The following CDC42SE2 variants were observed in gnomAD, a reference collection of about 807,000 sequenced individuals.
CDC42SE2 encodes CDC42 small effector 2, also known as CDC42 small effector protein 2.
Under a neutral mutation model 11.5 loss-of-function variants are expected in CDC42SE2, and 3 were observed. That is an observed-to-expected ratio of 0.26 (90% confidence interval 0.12 to 0.67). The LOEUF (loss-of-function observed/expected upper bound fraction) is 0.67. CDC42SE2 is among the 30% of genes least tolerant of loss of function. The probability of loss-of-function intolerance (pLI) is 0.80; values close to 1 mark genes in which losing one functional copy is unlikely to be tolerated. For synonymous variants in CDC42SE2, 33 were observed against 34.8 expected, an observed-to-expected ratio of 0.95 and a Z score of 0.18; for missense variants, 82 against 106.8, an observed-to-expected ratio of 0.77 and a Z score of 1.02.
intron 3 of CDC42SE2, among the ~76,000 whole-genome samples, chr5:131,381,569 C>T (rs965604923): frequency 2.8e-4 from 42 of 152,218 alleles, no homozygotes; most frequent in African/African-American, 1.0e-3. Context: ...GTGATCCACC[C>T]GCCTCGGCCT....
intron 2 of CDC42SE2, among the ~76,000 whole-genome samples, chr5:131,340,045 A>G (rs1471095553): frequency 6.6e-6 from 1 of 152,216 alleles, no homozygotes; most frequent in Non-Finnish European, 1.5e-5. Flanking sequence ...TTGATAGTCT[A>G]CTTTTCATCA....
chr5:131,372,575 G>A (rs1220985965), intron 3 of CDC42SE2, among the ~76,000 whole-genome samples: 1 of 152,086 alleles, frequency 6.6e-6, no homozygotes, highest in Non-Finnish European at 1.5e-5. Context: ...TTAGCTGGGT[G>A]TGGTGGCACG....
chr5:131,324,034 A>G (rs574625727), intron 2 of CDC42SE2, among the ~76,000 whole-genome samples: 77 of 152,322 alleles, frequency 5.1e-4, no homozygotes, highest in African/African-American at 1.6e-3. Context: ...AATAGCTTAT[A>G]AAGTATTTTA....
At chr5:131,350,134 T>G (rs1289256354) in intron 2 of CDC42SE2, among the ~76,000 whole-genome samples, 1 of 152,064 alleles carries the variant, frequency 6.6e-6, no homozygotes, top group Admixed American at 6.6e-5. Context: ...GTAAATCAAC[T>G]TGACCTAAGA....
chr5:131,344,107 G>A (rs1758777616), intron 2 of CDC42SE2, among the ~76,000 whole-genome samples: 2 of 152,210 alleles, frequency 1.3e-5, no homozygotes, highest in African/African-American at 4.8e-5. Flanking sequence ...GAGCGACGCA[G>A]AAGAAGGGTG....
chr5:131,326,962 T>G (rs188452515), intron 2 of CDC42SE2, among the ~76,000 whole-genome samples: 141 of 152,260 alleles, frequency 9.3e-4, no homozygotes, highest in Admixed American at 1.7e-3. Context: ...TCATATTTGT[T>G]TGGTTTATCC....
intron 1 of CDC42SE2, among the ~76,000 whole-genome samples, chr5:131,246,944 A>G (rs901580998): frequency 1.3e-5 from 2 of 152,014 alleles, no homozygotes; most frequent in East Asian, 3.9e-4. Flanking sequence ...GGGTTTCTCC[A>G]TGTTGGCCAG....
At chr5:131,336,147 C>T (rs1250983993) in intron 2 of CDC42SE2, among the ~76,000 whole-genome samples, 1 of 152,144 alleles carries the variant, frequency 6.6e-6, no homozygotes, top group East Asian at 1.9e-4. Flanking sequence ...TTCAGGAGCT[C>T]TTTTAGGGCA....
chr5:131,260,047 G>T (rs1264541034), upstream of CDC42SE2, among the ~76,000 whole-genome samples: 1 of 152,222 alleles, frequency 6.6e-6, no homozygotes. Flanking sequence ...CTTGTGTAAT[G>T]ATAATAACTA....
intron 3 of CDC42SE2, among the ~76,000 whole-genome samples, chr5:131,362,296 T>C (rs554046157): frequency 2.0e-5 from 3 of 152,220 alleles, no homozygotes; most frequent in Non-Finnish European, 2.9e-5. Flanking sequence ...GACATCTGAT[T>C]TCTTACCTTT....
At chr5:131,222,417 G>A in the CDC42SE2 span, among the ~76,000 whole-genome samples, 1 of 152,140 alleles carries the variant, frequency 6.6e-6, no homozygotes, top group East Asian at 1.9e-4. Flanking sequence ...ATGAATAATA[G>A]TCCCTACCTG....
At chr5:131,276,097 CAA>C (rs1281425746) in intron 1 of CDC42SE2, among the ~76,000 whole-genome samples, 1 of 150,934 alleles carries the variant, frequency 6.6e-6, no homozygotes, top group East Asian at 1.9e-4. Flanking sequence ...TATGTCAAGA[CAA>C]GATTTTTTTT....
intron 3 of CDC42SE2, among the ~76,000 whole-genome samples, chr5:131,365,948 C>T (rs182693443): frequency 2.6e-5 from 4 of 152,166 alleles, no homozygotes; most frequent in Non-Finnish European, 2.9e-5. Context: ...CGCCACTGCA[C>T]TCCAGCCTGG....
intron 3 of CDC42SE2, among the ~76,000 whole-genome samples, chr5:131,365,947 A>T (rs1331827960): frequency 1.3e-5 from 2 of 152,174 alleles, no homozygotes; most frequent in Non-Finnish European, 2.9e-5. Flanking sequence ...GCGCCACTGC[A>T]CTCCAGCCTG....
chr5:131,364,945 G>A (rs914359567), intron 3 of CDC42SE2, among the ~76,000 whole-genome samples: 4 of 152,116 alleles, frequency 2.6e-5, no homozygotes, highest in African/African-American at 9.7e-5. Flanking sequence ...GAGTGGGGAT[G>A]GATCAGTTAG....
chr5:131,369,642 A>G (rs922392120), intron 3 of CDC42SE2, among the ~76,000 whole-genome samples: 2 of 152,190 alleles, frequency 1.3e-5, no homozygotes, highest in Non-Finnish European at 2.9e-5. Flanking sequence ...TTTGAAGGTT[A>G]GCCTTGTATT....
At chr5:131,215,398 T>C in the CDC42SE2 span, among the ~76,000 whole-genome samples, 1 of 152,258 alleles carries the variant, frequency 6.6e-6, no homozygotes. Context: ...AGAATAAACC[T>C]GTGTCTTGTA....
At chr5:131,299,820 A>C (rs1757644946) in intron 1 of CDC42SE2, among the ~76,000 whole-genome samples, 1 of 152,204 alleles carries the variant, frequency 6.6e-6, no homozygotes, top group African/African-American at 2.4e-5. Context: ...CAAAACCCTT[A>C]AGAACTATTA....
chr5:131,353,919 A>AG (rs1749454045), intron 2 of CDC42SE2, among the ~76,000 whole-genome samples: 1 of 151,848 alleles, frequency 6.6e-6, no homozygotes, highest in Non-Finnish European at 1.5e-5. Flanking sequence ...CTAAAAAAAA[A>AG]AAAAATTATC....
Sources: allele counts gnomAD v4.1 joint callset (sites outside exome capture counted in the v4.1 genomes callset), GRCh38; gene constraint gnomAD v4.1.1; transcripts MANE v1.5; gene names NCBI Gene and HGNC (gene_info 2026-07-23, HGNC 2026-07-21).